Variants in AKT3 observed in about 807,000 individuals in gnomAD.
The protein encoded by AKT3 is AKT serine/threonine kinase 3.
In AKT3, 15 loss-of-function variants were observed where a neutral mutation model predicts 65.3. The observed-to-expected ratio is 0.23, with a 90% CI of 0.15 to 0.35. The LOEUF (loss-of-function observed/expected upper bound fraction) is 0.35. AKT3 is among the 10% of genes least tolerant of loss of function. The probability of loss-of-function intolerance (pLI) is 1.00; values close to 1 mark genes in which losing one functional copy is unlikely to be tolerated. For synonymous variants in AKT3, 206 were observed against 183.8 expected, an observed-to-expected ratio of 1.12 and a Z score of -0.98; for missense variants, 243 against 576.5, an observed-to-expected ratio of 0.42 and a Z score of 5.92.
At chr1:243,671,642 C>A (rs1328865410) in intron 3 of AKT3, among the ~76,000 whole-genome samples, 1 of 152,152 alleles carries the variant, frequency 6.6e-6, no homozygotes, top group Non-Finnish European at 1.5e-5. Flanking sequence ...AGGCAGGTGT[C>A]CTGGTAGAGA....
intron 12 of AKT3, among the ~76,000 whole-genome samples, chr1:243,526,348 A>C (rs2148399701): frequency 6.6e-6 from 1 of 152,280 alleles, no homozygotes; most frequent in Middle Eastern, 3.4e-3. Flanking sequence ...CACACACTCC[A>C]GCCCAGAAGT....
At chr1:243,672,025 A>G (rs1020799691) in intron 3 of AKT3, among the ~76,000 whole-genome samples, 1 of 152,118 alleles carries the variant, frequency 6.6e-6, no homozygotes, top group Admixed American at 6.5e-5. Context: ...TCTCCCATCT[A>G]TGACACTTTT....
chr1:243,676,147 C>T (rs746714753), intron 3 of AKT3, among the ~76,000 whole-genome samples: 56 of 151,974 alleles, frequency 3.7e-4, no homozygotes, highest in Non-Finnish European at 6.9e-4. Flanking sequence ...GGCAGGTCAA[C>T]GAGTTGAAGT....
Position 243,680,571 on chromosome 1 carries a change from T to G in AKT3, c.172+15020A>C, listed in dbSNP as rs993764362. On this transcript the variant is annotated intron_variant, in intron 3 of 13. Transcript: ENST00000673466. ...GGCCTTAGGCCTCATTTAACTTTAC[T>G]CAAAGTATAATAAACGCTTTTAAAT... 7.2e-5 allele frequency among the ~76,000 whole-genome samples: 11 copies of G among 152,088 alleles called. No homozygotes were observed. The East Asian group carries it at 1.9e-3, about 27-fold the overall frequency.
intron 3 of AKT3, 126 bp from the exon 4 acceptor site, chr1:243,665,009 C>T: frequency 1.0e-5 from 4 of 388,806 alleles, no homozygotes; most frequent in Non-Finnish European, 1.8e-5. Flanking sequence ...TATGGTTCTC[C>T]ACTCAAGATT....
intron 2 of AKT3, among the ~76,000 whole-genome samples, chr1:243,730,908 G>A (rs1309686785): frequency 6.6e-6 from 1 of 152,206 alleles, no homozygotes; most frequent in Non-Finnish European, 1.5e-5. Flanking sequence ...AGAGCTGCCT[G>A]CCCCACCACA....
rs182979949 is a variant in AKT3 at position 243,747,876 on chromosome 1, G to A, written c.47-52160C>T. 1.8e-3 allele frequency among the ~76,000 whole-genome samples: 274 copies of A among 152,240 alleles called. 1 individual carries two copies. The highest frequency in any genetic ancestry group is 3.1e-3 in the Non-Finnish European group (211 of 68,012). ...AACACCATAATGAATAACAAGGATC[G>A]GTAAGAGTCAGTAATGAAACGATGT... On this transcript the variant is annotated intron_variant, in intron 2 of 13. Coordinates refer to ENST00000673466, the MANE Select transcript of AKT3 (RefSeq NM_005465.7).
chr1:243,596,132 T>C (rs982431172), intron 8 of AKT3, among the ~76,000 whole-genome samples: 2 of 152,174 alleles, frequency 1.3e-5, no homozygotes, highest in Non-Finnish European at 2.9e-5. Context: ...CAGAAACTTA[T>C]TATATAGCAC....
intron 2 of AKT3, among the ~76,000 whole-genome samples, chr1:243,754,000 G>A (rs1187247283): frequency 1.3e-5 from 2 of 152,064 alleles, no homozygotes; most frequent in Non-Finnish European, 2.9e-5. Context: ...CTTATTCTCT[G>A]GGTAGATAAT....
intron 8 of AKT3, among the ~76,000 whole-genome samples, chr1:243,599,455 C>A (rs1338707493): frequency 1.3e-5 from 2 of 152,026 alleles, no homozygotes; most frequent in Non-Finnish European, 2.9e-5. Context: ...GGCAGGGAAA[C>A]AGATGTATGC....
intron 2 of AKT3, among the ~76,000 whole-genome samples, chr1:243,723,790 A>G (rs1222860439): frequency 6.6e-6 from 1 of 152,132 alleles, no homozygotes; most frequent in Non-Finnish European, 1.5e-5. Context: ...GCATAGTGGA[A>G]CCTGCCAGCA....
intron 3 of AKT3, among the ~76,000 whole-genome samples, chr1:243,686,378 G>T (rs1273001421): frequency 6.6e-6 from 1 of 151,754 alleles, no homozygotes; most frequent in Admixed American, 6.6e-5. Flanking sequence ...TCCTAGGCAT[G>T]AAATGAAACT....
rs193162898 is a variant in AKT3 at position 243,562,622 on chromosome 1, T to G, written c.948+1098A>C. ...TTTAGGGCTCAGAGCCAAAGAAGTCTGACTGCATTGAAACTGTCATTATGA... is the reference window on the plus strand; with the variant it reads ...TTTAGGGCTCAGAGCCAAAGAAGTCGGACTGCATTGAAACTGTCATTATGA... On this transcript the variant is annotated intron_variant, in intron 10 of 13. Coordinates refer to ENST00000673466, the MANE Select transcript of AKT3 (RefSeq NM_005465.7). 4.8e-3 allele frequency among the ~76,000 whole-genome samples: 731 copies of G among 152,276 alleles called. 6 individuals carry two copies. The highest frequency in any genetic ancestry group is 0.017 in the African/African-American group (706 of 41,564).
At chr1:243,642,299 G>A (rs1194630375) in intron 5 of AKT3, among the ~76,000 whole-genome samples, 15 of 152,146 alleles carry the variant, frequency 9.9e-5, no homozygotes, top group Non-Finnish European at 2.1e-4. Flanking sequence ...GATACAGTAA[G>A]TCCTTTTTTT....
chr1:243,800,932 A>G (rs1382004366), intron 2 of AKT3, among the ~76,000 whole-genome samples: 1 of 152,188 alleles, frequency 6.6e-6, no homozygotes, highest in African/African-American at 2.4e-5. Context: ...ATACTTAACT[A>G]TTATTTCTGA....
intron 2 of AKT3, among the ~76,000 whole-genome samples, chr1:243,779,265 C>T (rs747711864): frequency 1.9e-4 from 29 of 152,158 alleles, no homozygotes; most frequent in Admixed American, 1.3e-3. Context: ...CTTCCAGAAA[C>T]GAGAAGATAC....
chr1:243,512,325 T>C lies in AKT3; in HGVS notation c.1353A>G (p.Lys451=). 1.4e-6 allele frequency: 2 copies of C among 1,458,828 alleles called. 1 individual carries two copies. 90.4% of individuals were successfully genotyped at this position (1,458,828 alleles called of 1,614,324 possible). The change falls in exon 13 of 14, where the codon AAA becomes AAG. Residue 451 remains lysine, a splice_region_variant and synonymous_variant. Coordinates refer to ENST00000673466, the MANE Select transcript of AKT3 (RefSeq NM_005465.7). ...AQTITITPPE[K]YDEDGMDCMD... Reference sequence around the variant, plus strand: ...CAATTGCCTTCTAAATTTACTTACATTTTTCAGGTGGTGTTATTGTAATAG... The same window carrying C: ...CAATTGCCTTCTAAATTTACTTACACTTTTCAGGTGGTGTTATTGTAATAG...
At chr1:243,495,014 A>T (rs2148300017), downstream of AKT3, among the ~76,000 whole-genome samples, 1 of 152,336 alleles carries the variant, frequency 6.6e-6, no homozygotes, top group East Asian at 1.9e-4. Context: ...GGAATTCTTA[A>T]AATCTATTTA....
At chr1:243,784,676 C>G (rs1014026138) in intron 2 of AKT3, among the ~76,000 whole-genome samples, 1 of 152,222 alleles carries the variant, frequency 6.6e-6, no homozygotes, top group Non-Finnish European at 1.5e-5. Context: ...CACAATCTCC[C>G]TCACGCTGGA....
Sources: gnomAD v4.1 joint callset for allele counts (sites outside exome capture counted in the v4.1 genomes callset) on GRCh38, gnomAD v4.1.1 for gene constraint, MANE v1.5 for transcripts, NCBI Gene and HGNC (gene_info 2026-07-23, HGNC 2026-07-21) for gene names.